WWOX: variants seen among roughly 807,000 people sequenced by gnomAD.
The protein encoded by WWOX is WW domain containing oxidoreductase.
WWOX carries 69 observed loss-of-function variants against 46.2 expected under a neutral mutation model. The ratio of observed to expected loss-of-function variants is 1.49; its 90% confidence interval spans 1.23 to 1.82. The LOEUF (loss-of-function observed/expected upper bound fraction) is 1.82. Ranked by LOEUF, WWOX falls within the 40% of genes most tolerant of loss-of-function variation. WWOX has a pLI of 0.00. For synonymous variants in WWOX, 359 were observed against 202.6 expected, an observed-to-expected ratio of 1.77 and a Z score of -6.56; for missense variants, 919 against 542.6, an observed-to-expected ratio of 1.69 and a Z score of -6.89.
intron 8 of WWOX, among the ~76,000 whole-genome samples, chr16:78,501,557 G>T: frequency 6.7e-6 from 1 of 149,938 alleles, no homozygotes; most frequent in Non-Finnish European, 1.5e-5. Flanking sequence ...TTTTTTTTGA[G>T]ATGGAGTCTT....
chr16:78,569,592 G>C (rs1597282744), intron 8 of WWOX, among the ~76,000 whole-genome samples: 1 of 152,288 alleles, frequency 6.6e-6, no homozygotes, highest in East Asian at 1.9e-4. Flanking sequence ...AAATTGCCTT[G>C]TTGAAAAAGA....
intron 4 of WWOX, among the ~76,000 whole-genome samples, chr16:78,128,709 G>C (rs1416604251): frequency 6.6e-6 from 1 of 152,166 alleles, no homozygotes; most frequent in Non-Finnish European, 1.5e-5. Flanking sequence ...CTTTCAAATG[G>C]AGAGACTCCG....
At chr16:78,520,738 C>A (rs1405475805) in intron 8 of WWOX, among the ~76,000 whole-genome samples, 1 of 151,972 alleles carries the variant, frequency 6.6e-6, no homozygotes, top group Non-Finnish European at 1.5e-5. Flanking sequence ...TGTACCACGG[C>A]CAATGATTCA....
intron 8 of WWOX, among the ~76,000 whole-genome samples, chr16:78,900,558 T>A (rs2044805377): frequency 6.6e-6 from 1 of 152,204 alleles, no homozygotes; most frequent in Non-Finnish European, 1.5e-5. Context: ...ATTTGGATAT[T>A]TCGTGGCCTT....
At chr16:78,399,774 C>G (rs1404472453) in intron 6 of WWOX, among the ~76,000 whole-genome samples, 1 of 151,148 alleles carries the variant, frequency 6.6e-6, no homozygotes, top group African/African-American at 2.4e-5. Context: ...CCCTCATTGT[C>G]ACTTTGGAAT....
intron 8 of WWOX, among the ~76,000 whole-genome samples, chr16:78,713,891 G>A (rs56215379): frequency 0.16 from 24,322 of 152,168 alleles, 2,543 homozygotes; most frequent in Non-Finnish European, 0.23. Flanking sequence ...GATTTGGGGT[G>A]ATGGAACAGA....
chr16:78,847,328 A>T (rs1183241816), intron 8 of WWOX, among the ~76,000 whole-genome samples: 1 of 152,128 alleles, frequency 6.6e-6, no homozygotes, highest in Non-Finnish European at 1.5e-5. Context: ...ATCTCTGTGT[A>T]TATTATAATT....
chr16:78,103,561 C>G (rs1217912194), intron 1 of WWOX, among the ~76,000 whole-genome samples: 1 of 152,126 alleles, frequency 6.6e-6, no homozygotes, highest in Non-Finnish European at 1.5e-5. Context: ...TCTGATCCAT[C>G]CTAACCCGAC....
chr16:78,581,864 G>A (rs558498426), intron 8 of WWOX, among the ~76,000 whole-genome samples: 81 of 152,218 alleles, frequency 5.3e-4, no homozygotes, highest in African/African-American at 2.0e-3. Context: ...TGCTTATCGG[G>A]TTTGTCATCC....
At chr16:78,819,818 G>C (rs1392194486) in intron 8 of WWOX, among the ~76,000 whole-genome samples, 1 of 152,208 alleles carries the variant, frequency 6.6e-6, no homozygotes. Flanking sequence ...ATCTCTGATG[G>C]TTAAGAGCTT....
intron 5 of WWOX, among the ~76,000 whole-genome samples, chr16:78,371,648 A>G (rs1369442428): frequency 8.5e-5 from 13 of 152,070 alleles, no homozygotes; most frequent in Non-Finnish European, 1.9e-4. Context: ...ATTCTTGCTT[A>G]ATTATTTTTC....
At chr16:78,839,592 C>G (rs142500492) in intron 8 of WWOX, among the ~76,000 whole-genome samples, 130 of 152,258 alleles carry the variant, frequency 8.5e-4, no homozygotes, top group African/African-American at 2.6e-3. Context: ...GAACTGCATC[C>G]CAGCCTGTCA....
chr16:78,637,713 C>T (rs1429769144), intron 8 of WWOX, among the ~76,000 whole-genome samples: 1 of 152,150 alleles, frequency 6.6e-6, no homozygotes, highest in African/African-American at 2.4e-5. Flanking sequence ...GTGCTTAAGC[C>T]CTTCCATTTG....
chr16:78,799,879 C>G (rs1033450693), intron 8 of WWOX, among the ~76,000 whole-genome samples: 1 of 152,138 alleles, frequency 6.6e-6, no homozygotes, highest in South Asian at 2.1e-4. Flanking sequence ...AGTTATGTAG[C>G]TTTAGAAAAA....
At chr16:78,791,230 C>T (rs1307277595) in intron 8 of WWOX, among the ~76,000 whole-genome samples, 1 of 151,908 alleles carries the variant, frequency 6.6e-6, no homozygotes, top group African/African-American at 2.4e-5. Flanking sequence ...GCCTCATGAA[C>T]TCATGGGAAG....
At position 78,309,639 on chromosome 16, in the gene WWOX, T is replaced by C. The variant is rs148377500; in HGVS notation, c.517-77221T>C. Among the ~76,000 whole-genome samples, 106 of 152,346 alleles carry C rather than the reference T, an allele frequency of 7.0e-4. 1 individual carries two copies. Among genetic ancestry groups the C allele is most frequent in the African/African-American group, 2.3e-3 (94 of 41,580 alleles). ...GTTCCCAGGACCCCTTGAGACTGTC[T>C]TAGGCTTTGTTCACTCTTGTTTGGG... On this transcript the variant is annotated intron_variant, in intron 5 of 8. Coordinates refer to ENST00000566780, the MANE Select transcript of WWOX (RefSeq NM_016373.4).
intron 8 of WWOX, among the ~76,000 whole-genome samples, chr16:78,714,473 A>G (rs1015739927): frequency 4.6e-5 from 7 of 152,146 alleles, no homozygotes; most frequent in East Asian, 3.9e-4. Flanking sequence ...AGTCCCTCCC[A>G]TGATACGTGG....
At chr16:78,449,159 G>T (rs765229468) in intron 8 of WWOX, among the ~76,000 whole-genome samples, 2 of 152,160 alleles carry the variant, frequency 1.3e-5, no homozygotes, top group Admixed American at 1.3e-4. Context: ...TGGATTGAAG[G>T]CTTCCTTTCC....
chr16:78,563,108 C>G (rs1047299048), intron 8 of WWOX, among the ~76,000 whole-genome samples: 4 of 151,948 alleles, frequency 2.6e-5, no homozygotes, highest in Admixed American at 2.0e-4. Context: ...TGAAAGTTGT[C>G]TTGTGAGGCT....
Sources: allele counts gnomAD v4.1 joint callset (sites outside exome capture counted in the v4.1 genomes callset), GRCh38; gene constraint gnomAD v4.1.1; transcripts MANE v1.5; gene names NCBI Gene and HGNC (gene_info 2026-07-23, HGNC 2026-07-21).